The following SYNDIG1 variants were observed in gnomAD, a reference collection of about 807,000 sequenced individuals.
The protein encoded by SYNDIG1 is synapse differentiation inducing 1, also known as synapse differentiation-inducing gene protein 1.
In SYNDIG1, 9 loss-of-function variants were observed where a neutral mutation model predicts 19.4. The ratio of observed to expected loss-of-function variants is 0.46; its 90% confidence interval spans 0.28 to 0.81. The LOEUF is 0.81. Ranked by LOEUF, SYNDIG1 falls within the 30% of genes least tolerant of loss-of-function variation. The pLI, the probability that SYNDIG1 is intolerant of heterozygous loss-of-function variation, is 0.12. For synonymous variants in SYNDIG1, 141 were observed against 145.9 expected, an observed-to-expected ratio of 0.97 and a Z score of 0.24; for missense variants, 311 against 343.3, an observed-to-expected ratio of 0.91 and a Z score of 0.74.
At chr20:24,567,019 C>T (rs2058056408) in intron 2 of SYNDIG1, among the ~76,000 whole-genome samples, 1 of 152,172 alleles carries the variant, frequency 6.6e-6, no homozygotes, top group Non-Finnish European at 1.5e-5. Flanking sequence ...CCTTGTAGCT[C>T]CTTATGGAAG....
intron 1 of SYNDIG1, among the ~76,000 whole-genome samples, chr20:24,527,002 C>G (rs529039629): frequency 2.4e-4 from 37 of 152,268 alleles, no homozygotes; most frequent in African/African-American, 8.2e-4. Context: ...TGTAATGTGT[C>G]AATGTGGTAT....
intron 3 of SYNDIG1, among the ~76,000 whole-genome samples, chr20:24,610,682 T>C (rs1487357574): frequency 6.6e-6 from 1 of 152,050 alleles, no homozygotes; most frequent in Admixed American, 6.6e-5. Context: ...AGAAAGGGAG[T>C]TGCCCCAAGT....
At chr20:24,639,676 G>A (rs745500886) in intron 3 of SYNDIG1, among the ~76,000 whole-genome samples, 45 of 152,158 alleles carry the variant, frequency 3.0e-4, no homozygotes, top group Non-Finnish European at 7.3e-5. Flanking sequence ...TGAAATTTTG[G>A]ACATTGTGAT....
intron 3 of SYNDIG1, among the ~76,000 whole-genome samples, chr20:24,626,913 A>G (rs2059150636): frequency 6.6e-6 from 1 of 152,216 alleles, no homozygotes; most frequent in South Asian, 2.1e-4. Flanking sequence ...GTCTCCACCA[A>G]AAAAATACGA....
intron 3 of SYNDIG1, among the ~76,000 whole-genome samples, chr20:24,641,105 C>A (rs1022521025): frequency 6.6e-6 from 1 of 152,238 alleles, no homozygotes. Flanking sequence ...TTCATGAGCA[C>A]TTACTACAAT....
intron 3 of SYNDIG1, among the ~76,000 whole-genome samples, chr20:24,652,173 G>A (rs186765132): frequency 2.0e-5 from 3 of 152,240 alleles, no homozygotes; most frequent in Non-Finnish European, 2.9e-5. Flanking sequence ...ATGAGCACTC[G>A]GGTTGCATCC....
chr20:24,567,255 C>G (rs1040181583), intron 2 of SYNDIG1, among the ~76,000 whole-genome samples: 1 of 152,188 alleles, frequency 6.6e-6, no homozygotes, highest in Non-Finnish European at 1.5e-5. Context: ...GTTCAAATCC[C>G]AGGTTCCACA....
At chr20:24,600,354 C>T (rs889366224) in intron 3 of SYNDIG1, among the ~76,000 whole-genome samples, 2 of 152,048 alleles carry the variant, frequency 1.3e-5, no homozygotes, top group African/African-American at 2.4e-5. Flanking sequence ...GAATAGAAAC[C>T]TAAATGCATA....
At chr20:24,578,444 A>G in intron 2 of SYNDIG1, among the ~76,000 whole-genome samples, 1 of 139,586 alleles carries the variant, frequency 7.2e-6, no homozygotes. Context: ...TCTGTATCAA[A>G]AAAAAAAAAA....
rs2058385360 is a variant in SYNDIG1, at chr20:24,584,719, GAAC to G, written c.481-133_481-131del. ...GTACTTGCAGCAATAACGATGACTC[GAAC>G]AACGTCAGCAACTGCAGCTGCCTCC... is the stretch of plus-strand genomic sequence containing the variant. On this transcript the variant is annotated intron_variant, in intron 2 of 3. Transcript: ENST00000376862. 5.0e-6 allele frequency: 6 copies of G among 1,208,574 alleles called. No individual in the cohort carries two copies. In the African/African-American group the frequency reaches 7.6e-5, roughly 15 times the overall value. 74.9% of individuals were successfully genotyped at this position (1,208,574 alleles called of 1,614,324 possible).
chr20:24,584,195 C>T (rs956328554), intron 2 of SYNDIG1, among the ~76,000 whole-genome samples: 1 of 152,168 alleles, frequency 6.6e-6, no homozygotes, highest in Admixed American at 6.5e-5. Context: ...CTCACAGGGC[C>T]ATCCTCTGCT....
chr20:24,554,145 A>C (rs2057764170), intron 2 of SYNDIG1, among the ~76,000 whole-genome samples: 1 of 152,164 alleles, frequency 6.6e-6, no homozygotes. Context: ...TGATTTTTGT[A>C]CATTGATTTT....
chr20:24,475,620 T>TA (rs932107699), intron 1 of SYNDIG1, among the ~76,000 whole-genome samples: 1 of 152,202 alleles, frequency 6.6e-6, no homozygotes. Flanking sequence ...GGATTGACTG[T>TA]AAGAGGCACT....
chr20:24,560,881 A>C (rs184046147), intron 2 of SYNDIG1, among the ~76,000 whole-genome samples: 6 of 151,934 alleles, frequency 3.9e-5, no homozygotes, highest in Non-Finnish European at 7.4e-5. Context: ...AAAACAAAAA[A>C]AAAAAAGTGT....
chr20:24,522,783 G>A (rs568953171), intron 1 of SYNDIG1, among the ~76,000 whole-genome samples: 2 of 152,304 alleles, frequency 1.3e-5, no homozygotes, highest in Non-Finnish European at 2.9e-5. Flanking sequence ...GGCTTCTGGG[G>A]AAGCTTCAGG....
At chr20:24,489,365 GCA>G (rs984069018) in intron 1 of SYNDIG1, among the ~76,000 whole-genome samples, 3 of 148,646 alleles carry the variant, frequency 2.0e-5, no homozygotes, top group South Asian at 2.1e-4. Flanking sequence ...ATACATGCAT[GCA>G]CACACAGACA....
intron 2 of SYNDIG1, among the ~76,000 whole-genome samples, chr20:24,560,879 A>AC (rs1014388570): frequency 1.5e-4 from 23 of 151,706 alleles, no homozygotes; most frequent in South Asian, 1.0e-3. Context: ...AAAAAACAAA[A>AC]AAAAAAAAGT....
intron 3 of SYNDIG1, among the ~76,000 whole-genome samples, chr20:24,603,928 A>T (rs1453678878): frequency 1.3e-5 from 2 of 152,208 alleles, no homozygotes; most frequent in Non-Finnish European, 2.9e-5. Flanking sequence ...GCACATTCAC[A>T]GTCAACCTTT....
chr20:24,641,359 A>C (rs1192452598), intron 3 of SYNDIG1, among the ~76,000 whole-genome samples: 1 of 152,202 alleles, frequency 6.6e-6, no homozygotes, highest in African/African-American at 2.4e-5. Context: ...ATGGTACACC[A>C]AAGTGGTGAG....
Sources: allele counts gnomAD v4.1 joint callset (sites outside exome capture counted in the v4.1 genomes callset), GRCh38; gene constraint gnomAD v4.1.1; transcripts MANE v1.5; gene names NCBI Gene and HGNC (gene_info 2026-07-23, HGNC 2026-07-21).